The following BRINP3 variants were observed in gnomAD, a reference collection of about 807,000 sequenced individuals.
BRINP3 encodes the protein BMP/retinoic acid-inducible neural-specific protein 3.
In BRINP3, 19 loss-of-function variants were observed where a neutral mutation model predicts 71.0. The ratio of observed to expected loss-of-function variants is 0.27; its 90% CI spans 0.19 to 0.39. The LOEUF (loss-of-function observed/expected upper bound fraction) is 0.39, where lower values mean the gene tolerates loss of function less well. BRINP3 is among the 10% of genes least tolerant of loss of function. BRINP3 has a pLI of 1.00. For missense variants in BRINP3, 959 were observed against 940.8 expected (o/e 1.02, Z -0.25); for synonymous variants, 380 against 337.7 (o/e 1.13, Z -1.37).
chr1:190,325,061 G>A (rs929288288), intron 2 of BRINP3, among the ~76,000 whole-genome samples: 1 of 151,568 alleles, frequency 6.6e-6, no homozygotes, highest in Non-Finnish European at 1.5e-5. Context: ...CTAAATAATC[G>A]GCAGCATAGT....
At chr1:190,341,915 G>T (rs1344814865) in intron 2 of BRINP3, among the ~76,000 whole-genome samples, 1 of 151,676 alleles carries the variant, frequency 6.6e-6, no homozygotes, top group African/African-American at 2.4e-5. Flanking sequence ...TTAAAGTTTT[G>T]CAAGTCAGAA....
chr1:190,292,159 G>A (rs1269441164), intron 2 of BRINP3, among the ~76,000 whole-genome samples: 1 of 152,114 alleles, frequency 6.6e-6, no homozygotes, highest in Non-Finnish European at 1.5e-5. Context: ...GGAGCCATGG[G>A]AGGGTTTGGA....
chr1:190,322,849 G>A (rs1229697243), intron 2 of BRINP3, among the ~76,000 whole-genome samples: 2 of 151,904 alleles, frequency 1.3e-5, no homozygotes, highest in Admixed American at 1.3e-4. Context: ...CATTATCAAT[G>A]TTCTGAGTAC....
At chr1:190,310,372 G>A (rs914079917) in intron 2 of BRINP3, among the ~76,000 whole-genome samples, 1 of 151,504 alleles carries the variant, frequency 6.6e-6, no homozygotes, top group African/African-American at 2.4e-5. Context: ...TTGTGATCAA[G>A]ATTAATTCAA....
intron 2 of BRINP3, among the ~76,000 whole-genome samples, chr1:190,387,221 AATAAG>A (rs1670969028): frequency 6.6e-6 from 1 of 152,024 alleles, no homozygotes; most frequent in African/African-American, 2.4e-5. Context: ...TATGACATTT[AATAAG>A]GATAAATGAA....
intron 7 of BRINP3, among the ~76,000 whole-genome samples, chr1:190,160,315 C>T (rs1179707106): frequency 6.6e-6 from 1 of 151,886 alleles, no homozygotes; most frequent in Non-Finnish European, 1.5e-5. Flanking sequence ...ATTTTAATTT[C>T]TCATCCTGTT....
At chr1:190,450,067 A>C (rs1675504037) in intron 2 of BRINP3, among the ~76,000 whole-genome samples, 1 of 152,134 alleles carries the variant, frequency 6.6e-6, no homozygotes, top group Non-Finnish European at 1.5e-5. Context: ...GGGCATCCTT[A>C]TTTGATATCT....
chr1:190,383,055 C>T (rs941411927), intron 2 of BRINP3, among the ~76,000 whole-genome samples: 3 of 152,072 alleles, frequency 2.0e-5, no homozygotes, highest in African/African-American at 7.2e-5. Flanking sequence ...TGAAAGGAGG[C>T]CCTTGAAATT....
At chr1:190,344,964 A>C (rs924653991) in intron 2 of BRINP3, among the ~76,000 whole-genome samples, 7 of 151,944 alleles carry the variant, frequency 4.6e-5, no homozygotes, top group Non-Finnish European at 1.0e-4. Flanking sequence ...ATTGGCTTTA[A>C]TATAATTGTA....
intron 2 of BRINP3, among the ~76,000 whole-genome samples, chr1:190,399,612 G>A (rs1220330480): frequency 6.6e-6 from 1 of 151,972 alleles, no homozygotes; most frequent in African/African-American, 2.4e-5. Flanking sequence ...AGCTGCAAGA[G>A]AAATATATTA....
chr1:190,443,613 C>T (rs560044900), intron 2 of BRINP3, among the ~76,000 whole-genome samples: 1 of 152,256 alleles, frequency 6.6e-6, no homozygotes, highest in Non-Finnish European at 1.5e-5. Context: ...CAGTGGGTCA[C>T]AGACTCTGCA....
intron 2 of BRINP3, among the ~76,000 whole-genome samples, chr1:190,284,976 T>G (rs1332727238): frequency 6.6e-6 from 1 of 152,118 alleles, no homozygotes; most frequent in Non-Finnish European, 1.5e-5. Flanking sequence ...AGCAAAATAC[T>G]ACACCATTTT....
chr1:190,113,498 G>A (rs749611464), intron 7 of BRINP3, among the ~76,000 whole-genome samples: 2 of 152,088 alleles, frequency 1.3e-5, no homozygotes, highest in Admixed American at 1.3e-4. Context: ...AATCTTTCAC[G>A]GAATTATGCT....
chr1:190,403,270 A>T (rs1672051944), intron 2 of BRINP3, among the ~76,000 whole-genome samples: 1 of 152,326 alleles, frequency 6.6e-6, no homozygotes, highest in East Asian at 1.9e-4. Context: ...ATATAACTTG[A>T]TATGTGTCAA....
intron 2 of BRINP3, among the ~76,000 whole-genome samples, chr1:190,319,819 T>A (rs1385803915): frequency 6.6e-6 from 1 of 152,116 alleles, no homozygotes; most frequent in Non-Finnish European, 1.5e-5. Flanking sequence ...ACATTTAACA[T>A]GGGATTTGGA....
intron 2 of BRINP3, among the ~76,000 whole-genome samples, chr1:190,331,339 C>T (rs879687201): frequency 1.1e-4 from 16 of 151,918 alleles, no homozygotes; most frequent in Admixed American, 2.0e-4. Context: ...TGCATAATAA[C>T]CACTTGAAAG....
chr1:190,098,787 T>C lies in BRINP3; in HGVS notation c.1532A>G (p.His511Arg), dbSNP rs189200726. The C allele has an allele frequency of 1.2e-6, 2 of 1,614,214 alleles. No individual in the cohort carries two copies. The highest frequency in any genetic ancestry group is 2.2e-5 in the East Asian group (1 of 44,872). Residue 511 changes from histidine (H) to arginine (R), a missense_variant, in exon 8 of 8, where the codon CAT becomes CGT. By Grantham distance (29) the His-to-Arg change is conservative (BLOSUM62 0). Transcript: ENST00000367462. The part of the protein sequence containing the change: ...LQKTDRRIEV[H>R]AIFISNDMRL... The stretch of plus-strand genomic sequence containing the variant: ...CATGTCATTGCTGATAAAAATGGCA[T>C]GGACTTCTATTCGTCTGTCCGTTTT...
intron 7 of BRINP3, among the ~76,000 whole-genome samples, chr1:190,133,025 C>T (rs754359427): frequency 3.3e-5 from 5 of 152,044 alleles, no homozygotes; most frequent in Admixed American, 2.6e-4. Flanking sequence ...GTGAGGCCTA[C>T]ATATGACTGC....
At chr1:190,327,466 G>A (rs1666684280) in intron 2 of BRINP3, among the ~76,000 whole-genome samples, 1 of 127,594 alleles carries the variant, frequency 7.8e-6, no homozygotes. Context: ...GTTGGAGAGA[G>A]ATCAAGGACA....
Sources: gnomAD v4.1 joint callset for allele counts (sites outside exome capture counted in the v4.1 genomes callset) on GRCh38, gnomAD v4.1.1 for gene constraint, MANE v1.5 for transcripts, NCBI Gene and HGNC (gene_info 2026-07-23, HGNC 2026-07-21) for gene names.